RERE: variants seen among roughly 807,000 people sequenced by gnomAD.
RERE encodes the protein arginine-glutamic acid dipeptide repeats, also known as arginine-glutamic acid dipeptide repeats protein.
Under a neutral mutation model 146.1 loss-of-function variants are expected in RERE, and 40 were observed. The observed-to-expected ratio is 0.27, with a 90% CI of 0.21 to 0.36. The LOEUF is 0.36. Among genes scored for constraint, RERE ranks in the 10% least tolerant of loss-of-function variants. The probability of loss-of-function intolerance (pLI) is 1.00; values close to 1 mark genes in which losing one functional copy is unlikely to be tolerated. For synonymous variants in RERE, 1,003 were observed against 866.0 expected (o/e 1.16, Z -2.78); for missense variants, 1,933 against 2,138.7 (o/e 0.90, Z 1.90).
chr1:8,587,509 A>C (rs1481842817), intron 4 of RERE, among the ~76,000 whole-genome samples: 1 of 152,096 alleles, frequency 6.6e-6, no homozygotes, highest in Non-Finnish European at 1.5e-5. Flanking sequence ...CCCCTCCACC[A>C]CTAACTCTAA....
At chr1:8,471,730 T>C (rs1244943859) in intron 10 of RERE, among the ~76,000 whole-genome samples, 1 of 152,080 alleles carries the variant, frequency 6.6e-6, no homozygotes, top group Non-Finnish European at 1.5e-5. Flanking sequence ...CCTAGTGCGG[T>C]CTCAGACTCC....
rs141682949 is a variant in RERE, at chr1:8,614,596, G to C, written c.487C>G (p.Gln163Glu). The C allele has an allele frequency of 3.7e-6, 6 of 1,613,186 alleles. No homozygotes were observed. The highest frequency in any genetic ancestry group is 5.1e-6 in the Non-Finnish European group (6 of 1,179,502). ...CSLPVASQPP[Q>E]HLSEAGRGPV... is the part of the protein sequence containing the mutation. ...CCTCTCCCGGCTTCAGAAAGATGCT[G>C]TGGTGGCTGTGATGCCACCGGCAGA... is the stretch of plus-strand genomic sequence containing the variant. Residue 163 changes from glutamine (Q) to glutamate (E), a missense_variant, in exon 4 of 23, where the codon CAG becomes GAG. Physicochemically the swap from Gln to Glu is conservative, Grantham distance 29. Coordinates refer to ENST00000400908, the MANE Select transcript of RERE (RefSeq NM_001042681.2).
Position 8,605,505 on chromosome 1 carries a change from T to C in RERE, c.522+9056A>G, listed in dbSNP as rs563111683. On this transcript the variant is annotated intron_variant, in intron 4 of 22. Transcript: ENST00000400908. ...CCCCTGTAATCCCAGGGTGATTGGATTGGGAGGCTGAGGCGGGTGGATCAC... is the reference window on the plus strand; with the variant it reads ...CCCCTGTAATCCCAGGGTGATTGGACTGGGAGGCTGAGGCGGGTGGATCAC... Among the ~76,000 whole-genome samples the C allele has an allele frequency of 2.7e-3, 403 of 151,980 alleles. 2 individuals are homozygous for C. Among genetic ancestry groups the C allele is most frequent in the African/African-American group, 9.2e-3 (382 of 41,466 alleles).
intron 1 of RERE, among the ~76,000 whole-genome samples, chr1:8,810,557 A>C (rs1046983429): frequency 6.6e-6 from 1 of 152,196 alleles, no homozygotes; most frequent in South Asian, 2.1e-4. Flanking sequence ...CAGTGAGCAG[A>C]GATTGCGCCA....
At position 8,575,553 on chromosome 1, in the gene RERE, ATATATATATT is replaced by A. The variant is rs1383356743; in HGVS notation, c.523-18040_523-18031del. The stretch of plus-strand genomic sequence containing the variant: ...TAATTTAATATATATATATATATAT[ATATATATATT>A]TTTTTTTTTTTTGGCAGAGACAGTG... On this transcript the variant is annotated intron_variant, in intron 4 of 22. Transcript: ENST00000400908. Among the ~76,000 whole-genome samples the A allele has an allele frequency of 1.7e-4, 11 of 66,338 alleles. No homozygotes were observed. In the East Asian group the frequency reaches 2.6e-3, roughly 16 times the overall value. The allele number at this position is 66,338 out of a possible 152,430, so 43.5% of individuals were successfully genotyped here.
chr1:8,544,233 A>G (rs1184473123), intron 6 of RERE, among the ~76,000 whole-genome samples: 1 of 152,248 alleles, frequency 6.6e-6, no homozygotes, highest in Non-Finnish European at 1.5e-5. Flanking sequence ...TTTTTTAAAC[A>G]AGGTATTAAA....
At chr1:8,622,510 A>ACAC (rs66614709) in intron 3 of RERE, among the ~76,000 whole-genome samples, 7,221 of 75,740 alleles carry the variant, frequency 0.095, 569 homozygotes, top group Non-Finnish European at 0.14. Context: ...AAAAAAAAAA[A>ACAC]ACACACTTTG....
At chr1:8,562,640 C>A (rs1646092393) in intron 4 of RERE, among the ~76,000 whole-genome samples, 1 of 152,058 alleles carries the variant, frequency 6.6e-6, no homozygotes, top group Admixed American at 6.5e-5. Context: ...AGGCACCCAG[C>A]TAATTTTTAA....
At chr1:8,468,926 A>G (rs937420747) in intron 10 of RERE, among the ~76,000 whole-genome samples, 33 of 152,060 alleles carry the variant, frequency 2.2e-4, no homozygotes, top group African/African-American at 6.5e-4. Context: ...GAAAGAAAAA[A>G]AGAAAAAAGG....
chr1:8,732,240 A>C (rs1336683338), intron 1 of RERE, among the ~76,000 whole-genome samples: 1 of 152,250 alleles, frequency 6.6e-6, no homozygotes, highest in Non-Finnish European at 1.5e-5. Context: ...CAGAGACAGA[A>C]GGCAACCAAG....
At chr1:8,575,551 ATATATATATAT>A (rs1646281976) in intron 4 of RERE, among the ~76,000 whole-genome samples, 1 of 67,654 alleles carries the variant, frequency 1.5e-5, no homozygotes, top group African/African-American at 7.4e-5. Flanking sequence ...ATATATATAT[ATATATATATAT>A]TTTTTTTTTT....
chr1:8,405,929 C>A (rs1643425707), intron 12 of RERE, among the ~76,000 whole-genome samples: 1 of 152,156 alleles, frequency 6.6e-6, no homozygotes, highest in South Asian at 2.1e-4. Flanking sequence ...GCCACCGCAG[C>A]CGGCCTGATT....
intron 6 of RERE, among the ~76,000 whole-genome samples, chr1:8,554,179 C>T (rs1645975584): frequency 6.6e-6 from 1 of 152,064 alleles, no homozygotes; most frequent in Non-Finnish European, 1.5e-5. Flanking sequence ...GAGCAACACC[C>T]CGTCTCAGAA....
At chr1:8,467,878 T>C (rs1644623483) in intron 10 of RERE, among the ~76,000 whole-genome samples, 1 of 152,166 alleles carries the variant, frequency 6.6e-6, no homozygotes. Flanking sequence ...TCTCTTGACC[T>C]CGTGATCCAC....
At chr1:8,427,311 G>A (rs1213628295) in intron 11 of RERE, among the ~76,000 whole-genome samples, 3 of 152,016 alleles carry the variant, frequency 2.0e-5, no homozygotes, top group Non-Finnish European at 4.4e-5. Flanking sequence ...CATACCACTT[G>A]GCCTAATTCT....
intron 1 of RERE, among the ~76,000 whole-genome samples, chr1:8,804,208 C>T (rs1226212421): frequency 1.3e-5 from 2 of 152,100 alleles, no homozygotes; most frequent in South Asian, 2.1e-4. Flanking sequence ...TATATGTACA[C>T]ATGGCAGATT....
intron 2 of RERE, among the ~76,000 whole-genome samples, chr1:8,631,682 C>T (rs1320473210): frequency 6.6e-6 from 1 of 152,166 alleles, no homozygotes; most frequent in Non-Finnish European, 1.5e-5. Flanking sequence ...AATAGCACCC[C>T]TTGTCAGCTG....
At chr1:8,418,267 GCAC>G (rs1169042392) in intron 12 of RERE, among the ~76,000 whole-genome samples, 3 of 152,338 alleles carry the variant, frequency 2.0e-5, no homozygotes, top group Middle Eastern at 3.4e-3. Context: ...AAGTGTCAAT[GCAC>G]CACCAACTGG....
chr1:8,360,722 T>C lies in RERE; in HGVS notation c.2785A>G (p.Lys929Glu). ...PPAPLAMPHI[K>E]PPPTTPIPQL... Reference sequence around the variant, plus strand: ...GGGATGGGAGTGGTAGGCGGGGGCTTGATGTGGGGCATGGCCAAGGGCGCT... The same window carrying C: ...GGGATGGGAGTGGTAGGCGGGGGCTCGATGTGGGGCATGGCCAAGGGCGCT... Residue 929 changes from lysine (K) to glutamate (E), a missense_variant, in exon 18 of 23, where the codon AAG becomes GAG. Around this residue, in one of 11 missense-constraint regions of RERE, gnomAD observed 1,255 missense variants for 1,153.8 expected, o/e 1.09. Coordinates refer to ENST00000400908, the MANE Select transcript of RERE (RefSeq NM_001042681.2). 1.3e-6 allele frequency: 2 copies of C among 1,584,884 alleles called. No individual in the cohort carries two copies. The highest frequency in any genetic ancestry group is 1.7e-6 in the Non-Finnish European group (2 of 1,168,044).
Sources: gnomAD v4.1 joint callset for allele counts (sites outside exome capture counted in the v4.1 genomes callset) on GRCh38, gnomAD v4.1.1 for gene constraint, gnomAD v4.1.1 regional missense constraint, MANE v1.5 for transcripts, NCBI Gene and HGNC (gene_info 2026-07-23, HGNC 2026-07-21) for gene names.